The following CSMD1 variants were observed in gnomAD, a reference collection of about 807,000 sequenced individuals.
CSMD1 encodes the protein CUB and sushi domain-containing protein 1.
A neutral mutation model predicts 417.5 loss-of-function variants in CSMD1; 213 were observed. That is an observed-to-expected ratio of 0.51 (90% CI 0.46 to 0.57). The LOEUF is 0.57. Ranked by LOEUF, CSMD1 falls within the 20% of genes least tolerant of loss-of-function variation. CSMD1 has a pLI of 0.00. For synonymous variants in CSMD1, 2,862 were observed against 1,736.8 expected, an observed-to-expected ratio of 1.65 and a Z score of -16.11; for missense variants, 6,923 against 4,529.7, an observed-to-expected ratio of 1.53 and a Z score of -15.17.
At chr8:3,951,178 C>A (rs1309914404) in intron 5 of CSMD1, among the ~76,000 whole-genome samples, 1 of 152,154 alleles carries the variant, frequency 6.6e-6, no homozygotes, top group East Asian at 1.9e-4. Flanking sequence ...AAGCAAATTC[C>A]TGCCATGTGA....
intron 1 of CSMD1, among the ~76,000 whole-genome samples, chr8:4,722,089 T>C (rs1367082911): frequency 6.6e-6 from 1 of 152,166 alleles, no homozygotes; most frequent in Non-Finnish European, 1.5e-5. Flanking sequence ...AGAAATCTAA[T>C]ATATAGCATG....
chr8:3,299,381 G>A (rs1471865779), intron 25 of CSMD1, among the ~76,000 whole-genome samples: 3 of 152,178 alleles, frequency 2.0e-5, no homozygotes, highest in East Asian at 3.9e-4. Flanking sequence ...GAACTCTGGA[G>A]GTGGAGGTTG....
rs149140743 is a variant in CSMD1, at chr8:3,070,917, G to A, written c.7474+16180C>T. ...GGTAATTTATAAGAAAAAGAGGTTT[G>A]ATTGGCTCATGGTTCTGTGGGCTTT... On this transcript the variant is annotated intron_variant, in intron 49 of 69. Coordinates refer to ENST00000635120, the MANE Select transcript of CSMD1 (RefSeq NM_033225.6). Among the ~76,000 whole-genome samples the A allele has an allele frequency of 7.3e-3, 1,118 of 152,290 alleles. 15 individuals carry two copies. Among genetic ancestry groups the A allele is most frequent in the African/African-American group, 0.025 (1,047 of 41,554 alleles).
intron 67 of CSMD1, among the ~76,000 whole-genome samples, chr8:2,949,909 T>A (rs1362713320): frequency 6.6e-6 from 1 of 152,258 alleles, no homozygotes; most frequent in South Asian, 2.1e-4. Flanking sequence ...TCAAGCGGTC[T>A]TGGAAAATTT....
chr8:4,194,196 C>G (rs1487339362), intron 3 of CSMD1, among the ~76,000 whole-genome samples: 1 of 152,118 alleles, frequency 6.6e-6, no homozygotes, highest in Non-Finnish European at 1.5e-5. Flanking sequence ...TCATACCTGA[C>G]ACTACTAAAT....
At chr8:4,535,145 C>G (rs1168638778) in intron 2 of CSMD1, among the ~76,000 whole-genome samples, 1 of 152,122 alleles carries the variant, frequency 6.6e-6, no homozygotes, top group African/African-American at 2.4e-5. Context: ...TATATAACAA[C>G]TTTGAAAATT....
chr8:3,540,207 T>C (rs1382751620), intron 10 of CSMD1, among the ~76,000 whole-genome samples: 2 of 152,360 alleles, frequency 1.3e-5, no homozygotes, highest in East Asian at 3.9e-4. Context: ...TCCAATGTTT[T>C]AGGCTTATTA....
At chr8:3,006,253 C>T (rs1807891737) in intron 52 of CSMD1, among the ~76,000 whole-genome samples, 1 of 151,638 alleles carries the variant, frequency 6.6e-6, no homozygotes, top group African/African-American at 2.4e-5. Flanking sequence ...CTACAAACCA[C>T]TGCTCAAGGA....
intron 3 of CSMD1, among the ~76,000 whole-genome samples, chr8:4,067,513 G>A (rs751541153): frequency 6.6e-6 from 1 of 151,834 alleles, no homozygotes; most frequent in African/African-American, 2.4e-5. Flanking sequence ...ATTTTTAAAT[G>A]CATTTAACTT....
intron 23 of CSMD1, among the ~76,000 whole-genome samples, chr8:3,322,374 G>C (rs762039690): frequency 1.3e-5 from 2 of 152,132 alleles, no homozygotes; most frequent in Non-Finnish European, 2.9e-5. Context: ...ACATATATAA[G>C]AATGAGCAAT....
At chr8:4,113,478 C>T (rs1221015948) in intron 3 of CSMD1, among the ~76,000 whole-genome samples, 1 of 142,046 alleles carries the variant, frequency 7.0e-6, no homozygotes, top group South Asian at 2.3e-4. Context: ...AATCTTGGCT[C>T]ACTGCAACCT....
chr8:3,529,665 C>A (rs1377094613), intron 10 of CSMD1, among the ~76,000 whole-genome samples: 1 of 152,222 alleles, frequency 6.6e-6, no homozygotes, highest in East Asian at 1.9e-4. Flanking sequence ...GTATCAGCTT[C>A]TCAGAAGAGC....
chr8:3,374,219 A>C (rs1810163961), intron 18 of CSMD1, among the ~76,000 whole-genome samples: 1 of 151,948 alleles, frequency 6.6e-6, no homozygotes, highest in South Asian at 2.1e-4. Context: ...TCAGCCTCCC[A>C]ATGTGCTGAG....
intron 5 of CSMD1, among the ~76,000 whole-genome samples, chr8:3,783,647 A>G (rs1197695417): frequency 6.6e-6 from 1 of 152,180 alleles, no homozygotes; most frequent in South Asian, 2.1e-4. Flanking sequence ...GCATGTCCAT[A>G]AAACATGGTT....
chr8:3,884,797 T>G (rs1177719169), intron 5 of CSMD1, among the ~76,000 whole-genome samples: 2 of 151,970 alleles, frequency 1.3e-5, no homozygotes. Flanking sequence ...TTGTGTACCT[T>G]TTGGTACGCT....
At chr8:3,720,893 G>A (rs1044871681) in intron 6 of CSMD1, among the ~76,000 whole-genome samples, 1 of 151,164 alleles carries the variant, frequency 6.6e-6, no homozygotes, top group Admixed American at 6.6e-5. Context: ...CTCACTGCAT[G>A]CAACCTCCGC....
chr8:4,325,989 G>C (rs1369777016), intron 3 of CSMD1, among the ~76,000 whole-genome samples: 2 of 152,096 alleles, frequency 1.3e-5, no homozygotes, highest in Non-Finnish European at 2.9e-5. Flanking sequence ...TTCACCTGGG[G>C]TACGAACTCA....
chr8:4,435,604 G>T (rs556778157), intron 2 of CSMD1, among the ~76,000 whole-genome samples: 1 of 152,088 alleles, frequency 6.6e-6, no homozygotes, highest in Admixed American at 6.5e-5. Flanking sequence ...TGCTCTTCAC[G>T]GCACATGAGT....
intron 26 of CSMD1, among the ~76,000 whole-genome samples, chr8:3,266,006 G>A (rs1347478218): frequency 6.6e-6 from 1 of 151,910 alleles, no homozygotes; most frequent in East Asian, 1.9e-4. Flanking sequence ...TATCTAATTG[G>A]CATCTTACAG....
Sources: gnomAD v4.1 joint callset for allele counts (sites outside exome capture counted in the v4.1 genomes callset) on GRCh38, gnomAD v4.1.1 for gene constraint, MANE v1.5 for transcripts, NCBI Gene and HGNC (gene_info 2026-07-23, HGNC 2026-07-21) for gene names.